TMEM114: variants seen among roughly 807,000 people sequenced by gnomAD.
TMEM114 encodes the protein claudin-26.
A neutral mutation model predicts 6.2 loss-of-function variants in TMEM114; 6 were observed. The ratio of observed to expected loss-of-function variants is 0.97; its 90% CI spans 0.53 to 1.91. TMEM114 has a LOEUF of 1.91. TMEM114 is among the 40% of genes most tolerant of loss of function. TMEM114 has a pLI of 0.01. For missense variants in TMEM114, 218 were observed against 158.3 expected (o/e 1.38, Z -2.02); for synonymous variants, 104 against 73.0 (o/e 1.42, Z -2.16).
intron 2 of TMEM114, among the ~76,000 whole-genome samples, chr16:8,564,255 G>T (rs1452786422): frequency 1.8e-4 from 2 of 11,250 alleles, no homozygotes; most frequent in East Asian, 1.7e-3. Context: ...GTGAGTGAGT[G>T]AATGAGTGAT....
intron 2 of TMEM114, among the ~76,000 whole-genome samples, chr16:8,556,583 C>T (rs1901016472): frequency 1.3e-5 from 2 of 152,014 alleles, no homozygotes; most frequent in Admixed American, 1.3e-4. Flanking sequence ...CTCACTGCAA[C>T]CTCCGCCTCC....
chr16:8,527,970 C>G, the TMEM114 span, among the ~76,000 whole-genome samples: 1 of 152,150 alleles, frequency 6.6e-6, no homozygotes, highest in South Asian at 2.1e-4. Context: ...TGCAGTGGTG[C>G]GATCTCAGCT....
chr16:8,562,089 T>C (rs1210294990), intron 2 of TMEM114, among the ~76,000 whole-genome samples: 1 of 139,372 alleles, frequency 7.2e-6, no homozygotes, highest in African/African-American at 2.6e-5. Flanking sequence ...AATGAATGAG[T>C]GAGTGAGTGA....
intron 2 of TMEM114, among the ~76,000 whole-genome samples, chr16:8,578,295 G>C (rs1170094476): frequency 6.6e-6 from 1 of 152,064 alleles, no homozygotes; most frequent in African/African-American, 2.4e-5. Flanking sequence ...ATGGGACTGT[G>C]TTCCCTTTGA....
intron 2 of TMEM114, among the ~76,000 whole-genome samples, chr16:8,546,048 G>A (rs1366167869): frequency 6.6e-6 from 1 of 152,158 alleles, no homozygotes; most frequent in East Asian, 1.9e-4. Flanking sequence ...CCAGAAGATG[G>A]AAGCTATAGT....
intron 2 of TMEM114, among the ~76,000 whole-genome samples, chr16:8,555,227 G>T (rs1900971011): frequency 6.6e-6 from 1 of 152,230 alleles, no homozygotes; most frequent in South Asian, 2.1e-4. Context: ...TGCAGGGTAA[G>T]TTCTTGGCTT....
chr16:8,562,580 G>GT (rs1567202333), intron 2 of TMEM114, among the ~76,000 whole-genome samples: 46 of 34,946 alleles, frequency 1.3e-3, no homozygotes, highest in East Asian at 6.7e-3. Flanking sequence ...GAATGAGTGA[G>GT]GAAATAAGTA....
chr16:8,589,905 C>T lies in TMEM114; in HGVS notation c.-67G>A, dbSNP rs942780257. ...GGCGCGACCCCTCTGCTCCTGCCCC[C>T]GTCCCCAGCCGGCCACCGCGGGCTC... On this transcript the variant is annotated 5_prime_UTR_variant, in exon 1 of 4. Coordinates refer to ENST00000620492, the MANE Select transcript of TMEM114 (RefSeq NM_001146336.2). 3 of 392,456 alleles carry T rather than the reference C, an allele frequency of 7.6e-6. No individual in the cohort carries two copies. Among genetic ancestry groups the T allele is most frequent in the African/African-American group, 6.2e-5 (3 of 48,226 alleles). The allele number at this position is 392,456 out of a possible 1,614,324, so 24.3% of individuals were successfully genotyped here.
At chr16:8,534,193 G>A (rs766879938), downstream of TMEM114, among the ~76,000 whole-genome samples, 6 of 152,178 alleles carry the variant, frequency 3.9e-5, no homozygotes, top group African/African-American at 1.2e-4. Context: ...ACAAGGTTTC[G>A]CAGTGTGATG....
At chr16:8,535,599 T>C (rs1567192121), downstream of TMEM114, among the ~76,000 whole-genome samples, 1 of 152,212 alleles carries the variant, frequency 6.6e-6, no homozygotes, top group African/African-American at 2.4e-5. Flanking sequence ...AAATGAAATA[T>C]ATCATTTGTC....
intron 2 of TMEM114, among the ~76,000 whole-genome samples, chr16:8,549,018 T>C (rs1900758947): frequency 6.6e-6 from 1 of 151,652 alleles, no homozygotes; most frequent in African/African-American, 2.4e-5. Context: ...CCAGCTCTAC[T>C]AAAAATACAA....
At chr16:8,563,447 G>GC (rs1901365171) in intron 2 of TMEM114, among the ~76,000 whole-genome samples, 3 of 136,342 alleles carry the variant, frequency 2.2e-5, no homozygotes, top group Admixed American at 7.3e-5. Flanking sequence ...ATGAGTAAGT[G>GC]AATGAGTGAG....
Position 8,559,227 on chromosome 16 carries a change from G to C in TMEM114, n.213-21401C>G, listed in dbSNP as rs144545073. ...CCGGATAATTTTTGTATTTTTAGCA[G>C]AGACGGGGTTTCACCGTGTTGGCCA... On this transcript the variant is annotated intron_variant and non_coding_transcript_variant, in intron 2 of 2. Coordinates refer to the TMEM114 transcript ENST00000623677. Among the ~76,000 whole-genome samples the C allele has an allele frequency of 5.4e-3, 814 of 152,080 alleles. 3 individuals carry two copies. Among genetic ancestry groups the C allele is most frequent in the African/African-American group, 0.019 (773 of 41,448 alleles).
intron 2 of TMEM114, among the ~76,000 whole-genome samples, chr16:8,559,897 TG>T (rs1334304625): frequency 6.6e-6 from 1 of 152,144 alleles, no homozygotes; most frequent in African/African-American, 2.4e-5. Flanking sequence ...GTCGGGAGCC[TG>T]GGGTGGCTGA....
At chr16:8,555,733 C>A (rs1160641962) in intron 2 of TMEM114, among the ~76,000 whole-genome samples, 1 of 152,188 alleles carries the variant, frequency 6.6e-6, no homozygotes, top group African/African-American at 2.4e-5. Context: ...CTGGCAATAT[C>A]TGGAGACGTT....
intron 2 of TMEM114, among the ~76,000 whole-genome samples, chr16:8,563,361 G>A (rs998914332): frequency 2.0e-5 from 3 of 148,068 alleles, no homozygotes; most frequent in South Asian, 2.2e-4. Context: ...GAGTGAGTGA[G>A]GGAGGGAGGG....
the TMEM114 span, among the ~76,000 whole-genome samples, chr16:8,526,886 A>G: frequency 6.6e-6 from 1 of 152,328 alleles, no homozygotes; most frequent in Non-Finnish European, 1.5e-5. Flanking sequence ...TTTTCCTGCT[A>G]CCAACACTTT....
At chr16:8,560,441 C>G (rs1315834881) in intron 2 of TMEM114, among the ~76,000 whole-genome samples, 1 of 152,154 alleles carries the variant, frequency 6.6e-6, no homozygotes, top group African/African-American at 2.4e-5. Context: ...CTCTAAAGTG[C>G]TTGGCCATGT....
At chr16:8,544,570 T>G (rs912078866) in intron 2 of TMEM114, among the ~76,000 whole-genome samples, 4 of 152,166 alleles carry the variant, frequency 2.6e-5, no homozygotes, top group Admixed American at 2.6e-4. Context: ...CCTGTTGAAA[T>G]GAGGAATGAT....
Sources: gnomAD v4.1 joint callset for allele counts (sites outside exome capture counted in the v4.1 genomes callset) on GRCh38, gnomAD v4.1.1 for gene constraint, MANE v1.5 for transcripts, NCBI Gene and HGNC (gene_info 2026-07-23, HGNC 2026-07-21) for gene names.